PCDHGB6: variants seen among roughly 807,000 people sequenced by gnomAD.
The protein encoded by PCDHGB6 is protocadherin gamma-B6.
Under a neutral mutation model 59.1 loss-of-function variants are expected in PCDHGB6, and 51 were observed. That is an observed-to-expected ratio of 0.86 (90% CI 0.69 to 1.09). PCDHGB6 has a LOEUF of 1.09. Among genes scored for constraint, PCDHGB6 ranks in the 50% least tolerant of loss-of-function variants. PCDHGB6 has a pLI of 0.00. For synonymous variants in PCDHGB6, 466 were observed against 495.1 expected (o/e 0.94, Z 0.78); for missense variants, 1,148 against 1,205.1 (o/e 0.95, Z 0.70).
intron 1 of PCDHGB6, chr5:141,426,568 C>T: frequency 5.6e-6 from 2 of 354,402 alleles, no homozygotes; most frequent in Non-Finnish European, 5.6e-6. Flanking sequence ...TCGAGAGTCA[C>T]TGTCTTCAAA....
chr5:141,456,703 G>A (rs528071544), intron 1 of PCDHGB6, among the ~76,000 whole-genome samples: 37 of 152,180 alleles, frequency 2.4e-4, no homozygotes, highest in Non-Finnish European at 4.9e-4. Context: ...GGTGGCTCGC[G>A]CCTGTAATCC....
rs369940443 is a variant in PCDHGB6, at chr5:141,477,841, C to G, written c.2419-16966C>G. 6.2e-7 allele frequency: 1 copy of G among 1,613,308 alleles called. No individual in the cohort carries two copies. The highest frequency in any genetic ancestry group is 1.3e-5 in the African/African-American group (1 of 74,700). On this transcript the variant is annotated intron_variant, in intron 1 of 3. Coordinates refer to ENST00000520790, the MANE Select transcript of PCDHGB6 (RefSeq NM_018926.3). The surrounding 1 kb of genome is among the most constrained non-coding windows in gnomAD (Gnocchi z 4.9). ...TCCTATATCCTCGGCCAGGTGGGAG[C>G]TCGGTGGAGATGCTGCCTCGAGGTA...
chr5:141,491,503 G>C lies in PCDHGB6; in HGVS notation c.2419-3304G>C. On this transcript the variant is annotated intron_variant, in intron 1 of 3. Coordinates refer to ENST00000520790, the MANE Select transcript of PCDHGB6 (RefSeq NM_018926.3). The surrounding 1 kb of genome is among the most constrained non-coding windows in gnomAD (Gnocchi z 6.9). ...CCCCAACCTGCAGGTGAGCTCGGACGGCACGCTCAAGTACATGGAGGTGAC... is the reference window on the plus strand; with the variant it reads ...CCCCAACCTGCAGGTGAGCTCGGACCGCACGCTCAAGTACATGGAGGTGAC... The C allele has an allele frequency of 6.2e-7, 1 of 1,614,030 alleles. No homozygotes were observed.
At position 141,511,373 on chromosome 5, in the gene PCDHGB6, G is replaced by C. The variant is rs1361376059; in HGVS notation, c.*200G>C. 16 of 1,251,214 alleles carry C rather than the reference G, an allele frequency of 1.3e-5. No homozygotes were observed. Among genetic ancestry groups the C allele is most frequent in the Non-Finnish European group, 1.4e-5 (13 of 925,282 alleles). The allele number at this position is 1,251,214 out of a possible 1,614,324, so 77.5% of individuals were successfully genotyped here. A position where few individuals can be genotyped will look rare whatever the true frequency, so the allele number is the denominator to read the frequency against. ...CCCCCAGGGGGTTGAATATGCAAAAGCAGTTCCGCTGGGAACCCCCATCCA... is the reference window on the plus strand; with the variant it reads ...CCCCCAGGGGGTTGAATATGCAAAACCAGTTCCGCTGGGAACCCCCATCCA... On this transcript the variant is annotated 3_prime_UTR_variant, in exon 4 of 4. Transcript: ENST00000520790.
Position 141,490,330 on chromosome 5 carries a change from C to T in PCDHGB6, c.2419-4477C>T, listed in dbSNP as rs2099698666. ...GGCCAACCCTGTCCTAGAGAGCACA[C>T]CAGTGGGCACAGTAGTGGGGTTGTT... is the stretch of plus-strand genomic sequence containing the variant. On this transcript the variant is annotated intron_variant, in intron 1 of 3. Transcript: ENST00000520790. The surrounding 1 kb of genome is among the most constrained non-coding windows in gnomAD (Gnocchi z 5.4). 6.2e-7 allele frequency: 1 copy of T among 1,614,080 alleles called. No individual in the cohort carries two copies. Among genetic ancestry groups the T allele is most frequent in the Non-Finnish European group, 8.5e-7 (1 of 1,180,042 alleles).
chr5:141,497,323 G>A lies in PCDHGB6; in HGVS notation c.2477+2458G>A, dbSNP rs373068300. Reference sequence around the variant, plus strand: ...CAGGCCATACACTGGCTTTGAAGCAGAATTCACCATTGAACCTGGAAGCCC... The same window carrying A: ...CAGGCCATACACTGGCTTTGAAGCAAAATTCACCATTGAACCTGGAAGCCC... On this transcript the variant is annotated intron_variant, in intron 2 of 3. Transcript: ENST00000520790. 1.2e-4 allele frequency among the ~76,000 whole-genome samples: 19 copies of A among 152,204 alleles called. No homozygotes were observed. In the East Asian group the frequency reaches 3.5e-3, roughly 28 times the overall value.
At chr5:141,463,367 C>G (rs1437952082) in intron 1 of PCDHGB6, among the ~76,000 whole-genome samples, 1 of 151,748 alleles carries the variant, frequency 6.6e-6, no homozygotes, top group African/African-American at 2.4e-5. Context: ...CCTTTCCTGC[C>G]CCACAGTCTG....
intron 1 of PCDHGB6, chr5:141,422,178 G>A (rs1561799748): frequency 1.9e-6 from 3 of 1,563,306 alleles, no homozygotes; most frequent in Non-Finnish European, 1.7e-6. Flanking sequence ...GATTCTATGA[G>A]ATGGAAATTC....
intron 1 of PCDHGB6, chr5:141,430,745 T>C (rs377018529): frequency 1.3e-4 from 191 of 1,499,634 alleles, no homozygotes; most frequent in Non-Finnish European, 1.7e-4. Context: ...AAAATAATTC[T>C]GGAGGAAGAT....
intron 1 of PCDHGB6, chr5:141,441,780 C>A: frequency 2.6e-6 from 1 of 391,236 alleles, no homozygotes. Flanking sequence ...GGTGGACGAC[C>A]TGAATGACAA....
intron 2 of PCDHGB6, among the ~76,000 whole-genome samples, chr5:141,503,458 G>A (rs948221006): frequency 2.0e-5 from 3 of 152,018 alleles, no homozygotes; most frequent in Non-Finnish European, 4.4e-5. Flanking sequence ...CGCTGGGCAT[G>A]GTGGCATGTG....
chr5:141,410,849 C>CTTTTTTTTCTTTTTT (rs2095433387), intron 1 of PCDHGB6: 1 of 129,786 alleles, frequency 7.7e-6, no homozygotes, highest in African/African-American at 6.0e-5. Context: ...TTGTCTTTGT[C>CTTTTTTTTCTTTTTT]TTTTTTTTTT....
At chr5:141,500,221 TTTA>T (rs1428029040) in intron 2 of PCDHGB6, among the ~76,000 whole-genome samples, 2 of 151,002 alleles carry the variant, frequency 1.3e-5, no homozygotes, top group Non-Finnish European at 2.9e-5. Flanking sequence ...TATTTATTTA[TTTA>T]TTGATACGTA....
chr5:141,447,023 G>GTTT, intron 1 of PCDHGB6, among the ~76,000 whole-genome samples: 1 of 151,542 alleles, frequency 6.6e-6, no homozygotes, highest in African/African-American at 2.4e-5. Context: ...GTTTTGTTTT[G>GTTT]TTTTTTTTCT....
chr5:141,494,832 G>T lies in PCDHGB6; in HGVS notation c.2444G>T (p.Arg815Leu). 1 of 1,614,066 alleles carries T rather than the reference G, an allele frequency of 6.2e-7. No homozygotes were observed. ...CAAGCCCCGCCCAACACGGACTGGCGTTTCTCTCAGGCCCAGAGACCCGGC... is the reference window on the plus strand; with the variant it reads ...CAAGCCCCGCCCAACACGGACTGGCTTTTCTCTCAGGCCCAGAGACCCGGC... The part of the protein sequence containing the change: ...TSQAPPNTDW[R>L]FSQAQRPGTS... The change falls in exon 2 of 4, where the codon CGT becomes CTT. Residue 815 changes from arginine to leucine, a missense_variant. This residue lies in a region of PCDHGB6 where 283 missense variants were observed against 318.6 expected (regional missense o/e 0.89). Transcript: ENST00000520790.
intron 1 of PCDHGB6, among the ~76,000 whole-genome samples, chr5:141,448,393 A>G (rs190525499): frequency 6.6e-6 from 1 of 152,306 alleles, no homozygotes; most frequent in Admixed American, 6.5e-5. Flanking sequence ...ATACATTTAC[A>G]TGGTTTTAAA....
Position 141,410,319 on chromosome 5 carries a change from C to A in PCDHGB6, c.2117C>A (p.Ala706Asp). 1.2e-6 allele frequency: 2 copies of A among 1,614,018 alleles called. No homozygotes were observed. The highest frequency in any genetic ancestry group is 1.7e-5 in the Admixed American group (1 of 60,028). The change falls in exon 1 of 4, where the codon GCC becomes GAC. Residue 706 changes from alanine to aspartate, a missense_variant. By Grantham distance (126) the Ala-to-Asp change is moderately radical. Around this residue, in one of 5 missense-constraint regions of PCDHGB6, gnomAD observed 283 missense variants for 318.6 expected, o/e 0.89. Coordinates refer to ENST00000520790, the MANE Select transcript of PCDHGB6 (RefSeq NM_018926.3). ...TTAATCTCAGTGCTCTTCCTCCTCG[C>A]CGTGATTCTGGCCATTGCCTTGCGC... ...LALISVLFLL[A>D]VILAIALRLR...
chr5:141,438,319 T>C (rs934592523), intron 1 of PCDHGB6, among the ~76,000 whole-genome samples: 1 of 151,982 alleles, frequency 6.6e-6, no homozygotes, highest in African/African-American at 2.4e-5. Flanking sequence ...CACCATAATT[T>C]TTCTTATACA....
Position 141,489,524 on chromosome 5 carries a change from T to TA in PCDHGB6, c.2419-5282dup. Reference sequence around the variant, plus strand: ...AATCAAAAGATTGACCGAGAAAGCCTATGTGGAGCCAGCACCAGCTGCCTG... The same window carrying TA: ...AATCAAAAGATTGACCGAGAAAGCCTAATGTGGAGCCAGCACCAGCTGCCTG... On this transcript the variant is annotated intron_variant, in intron 1 of 3. Transcript: ENST00000520790. This position sits in a 1 kb window ranked among gnomAD's most constrained non-coding sequence, Gnocchi z 4.5. 6.2e-7 allele frequency: 1 copy of TA among 1,614,076 alleles called. No homozygotes were observed. Among genetic ancestry groups the TA allele is most frequent in the Non-Finnish European group, 8.5e-7 (1 of 1,180,010 alleles).
Sources: gnomAD v4.1 joint callset for allele counts (sites outside exome capture counted in the v4.1 genomes callset) on GRCh38, gnomAD v4.1.1 for gene constraint, gnomAD v4.1.1 regional missense constraint, Gnocchi (gnomAD v3.1) non-coding constraint, MANE v1.5 for transcripts, NCBI Gene and HGNC (gene_info 2026-07-23, HGNC 2026-07-21) for gene names.